Variants in SMYD3 observed in about 807,000 individuals in gnomAD.
SMYD3 encodes histone-lysine N-methyltransferase SMYD3.
In SMYD3, 36 loss-of-function variants were observed where a neutral mutation model predicts 57.7. The observed-to-expected ratio is 0.62, with a 90% CI of 0.48 to 0.82. The LOEUF is 0.82. Among genes scored for constraint, SMYD3 ranks in the 40% least tolerant of loss-of-function variants. The pLI is 0.00. For synonymous variants in SMYD3, 211 were observed against 195.0 expected (o/e 1.08, Z -0.68); for missense variants, 515 against 538.8 (o/e 0.96, Z 0.44).
chr1:246,154,169 C>T (rs2061986193), intron 5 of SMYD3, among the ~76,000 whole-genome samples: 1 of 152,170 alleles, frequency 6.6e-6, no homozygotes, highest in South Asian at 2.1e-4. Flanking sequence ...ATTCACTGAA[C>T]GAATCAATGG....
intron 1 of SMYD3, among the ~76,000 whole-genome samples, chr1:246,502,096 T>C (rs2068464524): frequency 6.6e-6 from 1 of 151,650 alleles, no homozygotes; most frequent in South Asian, 2.1e-4. Flanking sequence ...CTTTATTGCC[T>C]GGTCACATTT....
chr1:245,871,408 G>A (rs996034464), intron 8 of SMYD3, among the ~76,000 whole-genome samples: 6 of 152,132 alleles, frequency 3.9e-5, no homozygotes, highest in African/African-American at 1.4e-4. Flanking sequence ...GGGGAAAAGT[G>A]GCTCTTTCAT....
intron 1 of SMYD3, among the ~76,000 whole-genome samples, chr1:246,419,350 C>T (rs973770884): frequency 1.1e-4 from 16 of 152,196 alleles, no homozygotes; most frequent in African/African-American, 2.9e-4. Context: ...CACATGGACA[C>T]GTGTGACACC....
intron 10 of SMYD3, among the ~76,000 whole-genome samples, chr1:245,779,311 G>T (rs2046741507): frequency 1.3e-5 from 2 of 151,826 alleles, no homozygotes. Flanking sequence ...AAAAGGAAAA[G>T]AAAAAATGGT....
intron 5 of SMYD3, among the ~76,000 whole-genome samples, chr1:246,285,034 G>A (rs151298596): frequency 1.6e-3 from 243 of 151,546 alleles, no homozygotes; most frequent in African/African-American, 5.5e-3. Flanking sequence ...GTTCTTTAGC[G>A]GTGATTTGCG....
At chr1:246,478,732 C>A (rs2068061197) in intron 1 of SMYD3, among the ~76,000 whole-genome samples, 1 of 3,016 alleles carries the variant, frequency 3.3e-4, no homozygotes, top group Non-Finnish European at 1.0e-3. Flanking sequence ...CATATATGCA[C>A]ACCTGTCCTC....
At chr1:246,091,672 T>C (rs1223818052) in intron 5 of SMYD3, among the ~76,000 whole-genome samples, 1 of 152,170 alleles carries the variant, frequency 6.6e-6, no homozygotes, top group Non-Finnish European at 1.5e-5. Flanking sequence ...GTTTAGACAA[T>C]GTCTGTGTAT....
chr1:246,242,577 G>A (rs1297704936), intron 5 of SMYD3, among the ~76,000 whole-genome samples: 1 of 152,070 alleles, frequency 6.6e-6, no homozygotes, highest in Non-Finnish European at 1.5e-5. Flanking sequence ...ATAATGACAG[G>A]ATCAAATTCA....
intron 10 of SMYD3, among the ~76,000 whole-genome samples, chr1:245,841,578 A>G (rs927186288): frequency 1.3e-5 from 2 of 152,226 alleles, no homozygotes; most frequent in Admixed American, 1.3e-4. Context: ...GGAAACACAA[A>G]ATTAAGGTTA....
Position 245,813,860 on chromosome 1 carries a change from CTATA to C in SMYD3, c.1076+44632_1076+44635del, listed in dbSNP as rs6143718. 8.8e-4 allele frequency among the ~76,000 whole-genome samples: 129 copies of C among 146,932 alleles called. 1 individual carries two copies. Among genetic ancestry groups the C allele is most frequent in the African/African-American group, 3.1e-3 (118 of 38,106 alleles). On this transcript the variant is annotated intron_variant, in intron 10 of 11. Transcript: ENST00000490107. ...GTCATTTAGGTTAATTCATGGAGCC[CTATA>C]TATATATATATATATATATATATAT...
intron 5 of SMYD3, among the ~76,000 whole-genome samples, chr1:246,053,885 AAAG>A (rs1253623539): frequency 6.6e-6 from 1 of 152,158 alleles, no homozygotes; most frequent in Non-Finnish European, 1.5e-5. Context: ...TTCTTAAATA[AAAG>A]AAGAAAACAC....
intron 5 of SMYD3, among the ~76,000 whole-genome samples, chr1:246,192,905 C>CAAAA (rs1402101192): frequency 0.02 from 2,381 of 121,306 alleles, 54 homozygotes; most frequent in African/African-American, 0.07. Flanking sequence ...AAGGTAAAGT[C>CAAAA]AAAAAAAAAA....
intron 5 of SMYD3, among the ~76,000 whole-genome samples, chr1:246,263,074 C>G (rs1278290745): frequency 6.6e-6 from 1 of 152,100 alleles, no homozygotes; most frequent in Non-Finnish European, 1.5e-5. Flanking sequence ...GAATGGTCTT[C>G]CAATGTTGGT....
intron 5 of SMYD3, among the ~76,000 whole-genome samples, chr1:246,246,339 C>T (rs2063703659): frequency 1.3e-5 from 2 of 152,088 alleles, no homozygotes; most frequent in South Asian, 4.1e-4. Flanking sequence ...CTGGACATTG[C>T]TCTAGTTGTT....
At chr1:245,788,941 T>C (rs188898771) in intron 10 of SMYD3, 4 of 152,334 alleles carry the variant, frequency 2.6e-5, no homozygotes, top group African/African-American at 9.6e-5. Context: ...CTTCAGAAAC[T>C]GGGCCAATTC....
At chr1:246,313,296 C>T (rs2065107741) in intron 5 of SMYD3, among the ~76,000 whole-genome samples, 1 of 152,042 alleles carries the variant, frequency 6.6e-6, no homozygotes, top group African/African-American at 2.4e-5. Context: ...ACTTTTGAGG[C>T]CCCCAAACAA....
chr1:246,068,364 G>T (rs1016559506), intron 5 of SMYD3, among the ~76,000 whole-genome samples: 2 of 151,244 alleles, frequency 1.3e-5, no homozygotes, highest in Non-Finnish European at 1.5e-5. Flanking sequence ...GTACAAATAT[G>T]CTATGCTTGC....
intron 5 of SMYD3, among the ~76,000 whole-genome samples, chr1:246,168,681 A>T (rs963040351): frequency 2.0e-5 from 3 of 152,168 alleles, no homozygotes; most frequent in Non-Finnish European, 2.9e-5. Flanking sequence ...TATATTGCTG[A>T]GAAGTATTAA....
intron 5 of SMYD3, among the ~76,000 whole-genome samples, chr1:245,937,388 G>C (rs1027770050): frequency 2.6e-5 from 4 of 152,146 alleles, no homozygotes; most frequent in Non-Finnish European, 5.9e-5. Context: ...ACTCACAACA[G>C]AACTTATAAA....
Sources: allele counts gnomAD v4.1 joint callset (sites outside exome capture counted in the v4.1 genomes callset), GRCh38; gene constraint gnomAD v4.1.1; transcripts MANE v1.5; gene names NCBI Gene and HGNC (gene_info 2026-07-23, HGNC 2026-07-21).